Variants in SLC26A5 observed in about 807,000 individuals in gnomAD.
The protein encoded by SLC26A5 is prestin.
SLC26A5 carries 51 observed loss-of-function variants against 81.0 expected under a neutral mutation model. The ratio of observed to expected loss-of-function variants is 0.63; its 90% CI spans 0.50 to 0.80. The LOEUF (loss-of-function observed/expected upper bound fraction) is 0.80, where lower values mean the gene tolerates loss of function less well. Among genes scored for constraint, SLC26A5 ranks in the 30% least tolerant of loss-of-function variants. SLC26A5 has a pLI of 0.00. For synonymous variants in SLC26A5, 325 were observed against 332.8 expected (o/e 0.98, Z 0.25); for missense variants, 771 against 905.8 (o/e 0.85, Z 1.91).
intron 17 of SLC26A5, 120 bp downstream of exon 17, chr7:103,378,326 G>A: frequency 1.1e-6 from 1 of 922,278 alleles, no homozygotes; most frequent in Non-Finnish European, 1.8e-6. Flanking sequence ...ATACTAAGGT[G>A]GTTTCTAAAC....
At chr7:103,371,568 G>A (rs917383938), downstream of SLC26A5, among the ~76,000 whole-genome samples, 5 of 151,016 alleles carry the variant, frequency 3.3e-5, no homozygotes, top group African/African-American at 1.2e-4. Flanking sequence ...CTCGTGATCT[G>A]CCTGCCTCGG....
At chr7:103,411,859 C>T (rs1421351808) in intron 5 of SLC26A5, among the ~76,000 whole-genome samples, 1 of 152,234 alleles carries the variant, frequency 6.6e-6, no homozygotes, top group Non-Finnish European at 1.5e-5. Context: ...TCTAATTTCT[C>T]TCTCCTTGAA....
chr7:103,425,978 C>T (rs898684571), intron 2 of SLC26A5, among the ~76,000 whole-genome samples: 1 of 152,148 alleles, frequency 6.6e-6, no homozygotes, highest in Non-Finnish European at 1.5e-5. Context: ...AACAAACACC[C>T]TCACCCACCC....
chr7:103,366,423 G>T (rs556179284), intron 19 of SLC26A5, among the ~76,000 whole-genome samples: 1 of 152,174 alleles, frequency 6.6e-6, no homozygotes, highest in African/African-American at 2.4e-5. Flanking sequence ...TGTTTGAGAA[G>T]TGTTTTGGAA....
intron 2 of SLC26A5, among the ~76,000 whole-genome samples, chr7:103,434,092 C>T (rs1174131847): frequency 1.3e-5 from 2 of 152,174 alleles, no homozygotes; most frequent in Admixed American, 6.6e-5. Flanking sequence ...TCTAATTCCA[C>T]AGCTTCCTCC....
chr7:103,421,282 CAG>C (rs1183656652), intron 3 of SLC26A5, 79 bp downstream of exon 3: 10 of 1,493,264 alleles, frequency 6.7e-6, no homozygotes, highest in Non-Finnish European at 9.2e-6. Context: ...CTTCACCAAA[CAG>C]ATTTTCTTTA....
chr7:103,379,377 T>A (rs1821607421), intron 15 of SLC26A5, 42 bp from the exon 16 acceptor site: 2 of 1,345,796 alleles, frequency 1.5e-6, no homozygotes, highest in Admixed American at 3.5e-5. Context: ...ATGGAAATAT[T>A]TCAGAATCAA....
intron 12 of SLC26A5, 38 bp downstream of exon 12, chr7:103,390,391 C>T (rs777913357): frequency 1.1e-5 from 17 of 1,550,954 alleles, no homozygotes; most frequent in South Asian, 2.2e-5. Flanking sequence ...AATCTCTACA[C>T]ATGAAAAAAA....
chr7:103,397,453 A>G (rs1823216763), intron 9 of SLC26A5, among the ~76,000 whole-genome samples: 1 of 148,534 alleles, frequency 6.7e-6, no homozygotes, highest in African/African-American at 2.5e-5. Flanking sequence ...AGGGAGGAGA[A>G]TGGCATGAAC....
chr7:103,389,222 G>T lies in SLC26A5; in HGVS notation c.1407+107C>A, dbSNP rs1392829387. ...ATGCTACTTTTACCTTGTCTAACTG[G>T]ATACTGCACATAACAACTGCATTAA... is the stretch of plus-strand genomic sequence containing the variant. On this transcript the variant is annotated intron_variant, in intron 13 of 19. Transcript: ENST00000306312. The T allele has an allele frequency of 4.6e-5, 54 of 1,184,676 alleles. No homozygotes were observed. The East Asian group carries it at 1.2e-3, about 27-fold the overall frequency. 73.4% of individuals were successfully genotyped at this position (1,184,676 alleles called of 1,614,324 possible).
Position 103,379,330 on chromosome 7 carries a change from T to G in SLC26A5, c.1590A>C (p.Lys530Asn). The G allele has an allele frequency of 6.3e-7, 1 of 1,593,594 alleles. No homozygotes were observed. The highest frequency in any genetic ancestry group is 2.2e-5 in the East Asian group (1 of 44,690). ...GAAATATTTTTATTCCAGGAATTTC[T>G]TTCACCTGAAGAGTAAAATATTGCT... Reference protein sequence around the residue: ...YIDIDAYEEVKEIPGIKIFQI... With the variant: ...YIDIDAYEEVNEIPGIKIFQI... Residue 530 changes from lysine (K) to asparagine (N), a missense_variant, in exon 16 of 20, where the codon AAA (lysine) becomes AAC (asparagine). Transcript: ENST00000306312.
At chr7:103,354,000 T>G in intron 19 of SLC26A5, 2 of 1,460,154 alleles carry the variant, frequency 1.4e-6, no homozygotes, top group Non-Finnish European at 1.9e-6. Context: ...TGTTTTATGT[T>G]GAAATAAAAA....
At chr7:103,400,485 A>G (rs1823499739) in intron 8 of SLC26A5, among the ~76,000 whole-genome samples, 4 of 152,176 alleles carry the variant, frequency 2.6e-5, no homozygotes, top group Admixed American at 2.6e-4. Flanking sequence ...TCAGATGGAC[A>G]GATTGCAAAA....
At chr7:103,356,520 A>G (rs1820041162) in intron 19 of SLC26A5, among the ~76,000 whole-genome samples, 1 of 152,220 alleles carries the variant, frequency 6.6e-6, no homozygotes, top group Non-Finnish European at 1.5e-5. Flanking sequence ...CAATTTTTAC[A>G]CTTTTGCCAT....
chr7:103,380,312 T>C (rs1402401599), intron 15 of SLC26A5, among the ~76,000 whole-genome samples, 168 bp downstream of exon 15: 1 of 152,186 alleles, frequency 6.6e-6, no homozygotes, highest in Non-Finnish European at 1.5e-5. Context: ...AGTTAATGCA[T>C]AGTATAAATT....
intron 19 of SLC26A5, among the ~76,000 whole-genome samples, chr7:103,360,150 A>G (rs1487184621): frequency 1.3e-5 from 2 of 151,686 alleles, no homozygotes; most frequent in East Asian, 3.9e-4. Flanking sequence ...CTATTGACTG[A>G]TTTTTTTCCC....
chr7:103,417,107 C>CA (rs879736928), intron 4 of SLC26A5, among the ~76,000 whole-genome samples: 4 of 152,146 alleles, frequency 2.6e-5, no homozygotes, highest in Admixed American at 2.0e-4. Context: ...CACAGTGGCT[C>CA]ACCCCTGTAA....
rs200680274 is a variant in SLC26A5, at chr7:103,420,887, C to T, written c.153-10G>A. The stretch of plus-strand genomic sequence containing the variant: ...TTTTTTAGGAGTACATCTGAAAGGA[C>T]AAAGACAGACAGAGATAAAGTTATA... On this transcript the variant is annotated splice_polypyrimidine_tract_variant and intron_variant, in intron 3 of 19. Coordinates refer to ENST00000306312, the MANE Select transcript of SLC26A5 (RefSeq NM_198999.3). The T allele has an allele frequency of 1.2e-3, 1,887 of 1,599,706 alleles. 4 individuals carry two copies. Among genetic ancestry groups the T allele is most frequent in the Non-Finnish European group, 9.6e-4 (1,116 of 1,167,654 alleles).
chr7:103,363,314 G>A (rs779612574), intron 19 of SLC26A5: 2 of 1,545,048 alleles, frequency 1.3e-6, no homozygotes, highest in Middle Eastern at 1.7e-4. Flanking sequence ...GCCTGTGACT[G>A]TATGTTGTAC....
Sources: allele counts gnomAD v4.1 joint callset (sites outside exome capture counted in the v4.1 genomes callset), GRCh38; gene constraint gnomAD v4.1.1; transcripts MANE v1.5; gene names NCBI Gene and HGNC (gene_info 2026-07-23, HGNC 2026-07-21).